The following GPR158 variants were observed in gnomAD, a reference collection of about 807,000 sequenced individuals.
GPR158 encodes the protein metabotropic glycine receptor.
A neutral mutation model predicts 78.2 loss-of-function variants in GPR158; 30 were observed. The observed-to-expected ratio is 0.38, with a 90% CI of 0.29 to 0.52. The LOEUF (loss-of-function observed/expected upper bound fraction) is 0.52. GPR158 is among the 20% of genes least tolerant of loss of function. The pLI is 0.83. For missense variants in GPR158, 1,463 were observed against 1,523.5 expected (o/e 0.96, Z 0.66); for synonymous variants, 581 against 591.1 (o/e 0.98, Z 0.25).
intron 6 of GPR158, among the ~76,000 whole-genome samples, chr10:25,572,309 ACT>A (rs1447454938): frequency 2.0e-5 from 3 of 152,190 alleles, no homozygotes; most frequent in Non-Finnish European, 4.4e-5. Context: ...TATGAGCAAT[ACT>A]GTTTCTGAAT....
At chr10:25,572,554 G>T in intron 6 of GPR158, 95 bp from the exon 7 acceptor site, 1 of 827,202 alleles carries the variant, frequency 1.2e-6, no homozygotes, top group Non-Finnish European at 2.1e-6. Flanking sequence ...CTGGATTTTG[G>T]TGGGTTTACA....
chr10:25,397,591 C>T (rs867691393), intron 3 of GPR158, among the ~76,000 whole-genome samples: 3 of 152,144 alleles, frequency 2.0e-5, no homozygotes, highest in South Asian at 4.1e-4. Context: ...TTTTCTCTCT[C>T]TTAGAAGGCA....
chr10:25,484,551 G>C (rs900300726), intron 5 of GPR158, among the ~76,000 whole-genome samples: 6 of 152,186 alleles, frequency 3.9e-5, no homozygotes, highest in Admixed American at 1.3e-4. Flanking sequence ...ATGAGAAGAT[G>C]CTGGCTCTAG....
At chr10:25,451,062 CA>C (rs1227079489) in intron 4 of GPR158, among the ~76,000 whole-genome samples, 4 of 151,958 alleles carry the variant, frequency 2.6e-5, no homozygotes, top group Admixed American at 6.6e-5. Flanking sequence ...ATGGATATTC[CA>C]ACTGTTTCAA....
chr10:25,282,040 A>G (rs1293228530), intron 2 of GPR158, among the ~76,000 whole-genome samples: 1 of 152,172 alleles, frequency 6.6e-6, no homozygotes, highest in Non-Finnish European at 1.5e-5. Flanking sequence ...GATGAATTCA[A>G]AGATTTGAGT....
intron 2 of GPR158, among the ~76,000 whole-genome samples, chr10:25,245,026 T>TC (rs1283528969): frequency 6.6e-6 from 1 of 152,194 alleles, no homozygotes; most frequent in Admixed American, 6.5e-5. Flanking sequence ...GTTGAATGGC[T>TC]CCTTGGGCAT....
chr10:25,491,623 G>A (rs1018729135), intron 5 of GPR158, among the ~76,000 whole-genome samples: 6 of 152,052 alleles, frequency 3.9e-5, no homozygotes, highest in African/African-American at 1.4e-4. Flanking sequence ...TTTTAAACAT[G>A]TAATTCTTGA....
intron 2 of GPR158, among the ~76,000 whole-genome samples, chr10:25,387,664 C>T (rs1044390509): frequency 5.3e-5 from 8 of 152,002 alleles, no homozygotes; most frequent in Admixed American, 1.3e-4. Context: ...TACAGGCACA[C>T]GCCACCATGC....
chr10:25,207,268 C>T (rs556405862), intron 1 of GPR158, among the ~76,000 whole-genome samples: 1 of 152,264 alleles, frequency 6.6e-6, no homozygotes, highest in South Asian at 2.1e-4. Context: ...GATTGCTTCT[C>T]CCAACAGGTG....
Position 25,601,888 on chromosome 10 carries a change from A to T in GPR158, c.*2614A>T, listed in dbSNP as rs137898813. 5 of 152,764 alleles carry T rather than the reference A, an allele frequency of 3.3e-5. No homozygotes were observed. The highest frequency in any genetic ancestry group is 7.3e-5 in the Non-Finnish European group (5 of 68,040). The allele number at this position is 152,764 out of a possible 1,614,324, so 9.5% of individuals were successfully genotyped here. ...AATTGTATATTTTATGCAAGAATTA[A>T]ATGCTTTACAACATGAAGTATAACT... On this transcript the variant is annotated 3_prime_UTR_variant, in exon 11 of 11. Transcript: ENST00000376351.
intron 5 of GPR158, among the ~76,000 whole-genome samples, chr10:25,476,744 G>A (rs1045470299): frequency 1.4e-4 from 21 of 152,040 alleles, no homozygotes; most frequent in African/African-American, 5.1e-4. Context: ...TCTCACAGAG[G>A]ATATGAATGT....
chr10:25,211,618 G>A (rs1293284921), intron 1 of GPR158, among the ~76,000 whole-genome samples: 1 of 152,158 alleles, frequency 6.6e-6, no homozygotes, highest in African/African-American at 2.4e-5. Flanking sequence ...CCGTTGCACT[G>A]GGGATGAAGT....
At chr10:25,592,509 C>T (rs1338976808) in intron 8 of GPR158, among the ~76,000 whole-genome samples, 1 of 151,958 alleles carries the variant, frequency 6.6e-6, no homozygotes, top group Non-Finnish European at 1.5e-5. Flanking sequence ...AAATACGAAG[C>T]TTTAAAACTA....
chr10:25,572,633 A>G lies in GPR158; in HGVS notation c.1515-16A>G. ...ATGTTAGGTTTGCTTTCACATTTGA[A>G]CTTTTGCTTTTCTAGGGTTTTGAAG... On this transcript the variant is annotated splice_polypyrimidine_tract_variant and intron_variant, in intron 6 of 10. Transcript: ENST00000376351. The G allele has an allele frequency of 6.7e-7, 1 of 1,500,624 alleles. No homozygotes were observed. The highest frequency in any genetic ancestry group is 9.3e-7 in the Non-Finnish European group (1 of 1,076,482). 93.0% of individuals were successfully genotyped at this position (1,500,624 alleles called of 1,614,324 possible). A position where few individuals can be genotyped will look rare whatever the true frequency, so the allele number is the denominator to read the frequency against.
At chr10:25,197,216 A>G (rs1852855812) in intron 1 of GPR158, among the ~76,000 whole-genome samples, 2 of 152,204 alleles carry the variant, frequency 1.3e-5, no homozygotes, top group South Asian at 4.1e-4. Context: ...TATGAATATC[A>G]CATTCGCCCT....
intron 4 of GPR158, among the ~76,000 whole-genome samples, chr10:25,437,809 A>C (rs1835017797): frequency 6.6e-6 from 1 of 152,192 alleles, no homozygotes; most frequent in African/African-American, 2.4e-5. Flanking sequence ...TTCTTTCCAG[A>C]AGTGTGTCTC....
rs1380776928 is a variant in GPR158, at chr10:25,176,879, C to G, written c.902+557C>G. Among the ~76,000 whole-genome samples, 1 of 152,188 alleles carries G rather than the reference C, an allele frequency of 6.6e-6. No homozygotes were observed. ...AAAACTGTGCCATCTCCTCGCAGTT[C>G]CGGCCCCTCAGCAGTGAGTCAGTCC... On this transcript the variant is annotated intron_variant, in intron 1 of 10. Transcript: ENST00000376351. The surrounding 1 kb of genome is among the most constrained non-coding windows in gnomAD (Gnocchi z 6.3).
chr10:25,337,927 C>G (rs74523055), intron 2 of GPR158, among the ~76,000 whole-genome samples: 3,964 of 151,904 alleles, frequency 0.026, 173 homozygotes, highest in African/African-American at 0.091. Flanking sequence ...TTTGGACATC[C>G]TTTTTTGAAA....
intron 2 of GPR158, among the ~76,000 whole-genome samples, chr10:25,345,352 AAC>A (rs1429141636): frequency 2.0e-5 from 3 of 151,960 alleles, no homozygotes; most frequent in African/African-American, 7.2e-5. Context: ...AACAAAAGTT[AAC>A]AGTCTTTGCA....
Sources: gnomAD v4.1 joint callset for allele counts (sites outside exome capture counted in the v4.1 genomes callset) on GRCh38, gnomAD v4.1.1 for gene constraint, Gnocchi (gnomAD v3.1) non-coding constraint, MANE v1.5 for transcripts, NCBI Gene and HGNC (gene_info 2026-07-23, HGNC 2026-07-21) for gene names.